MZT1: variants seen among roughly 807,000 people sequenced by gnomAD.
MZT1 encodes mitotic-spindle organizing protein 1.
Under a neutral mutation model 8.5 loss-of-function variants are expected in MZT1, and 8 were observed. The observed-to-expected ratio is 0.94, with a 90% CI of 0.55 to 1.70. MZT1 has a LOEUF of 1.70. Ranked by LOEUF, MZT1 falls within the 40% of genes most tolerant of loss-of-function variation. The pLI is 0.00. For synonymous variants in MZT1, 38 were observed against 42.0 expected (o/e 0.90, Z 0.37); for missense variants, 93 against 108.6 (o/e 0.86, Z 0.64).
intron 2 of MZT1, among the ~76,000 whole-genome samples, chr13:72,718,171 C>T (rs576909392): frequency 3.7e-4 from 56 of 152,298 alleles, no homozygotes; most frequent in Admixed American, 1.6e-3. Context: ...GAATATCCTT[C>T]CTTGCCTCTT....
In MZT1 at chr13:72,709,465, G is replaced by A. The variant is rs2032465487; in HGVS notation, c.*857C>T. On this transcript the variant is annotated 3_prime_UTR_variant, in exon 3 of 3. Transcript: ENST00000377818. Reference sequence around the variant, plus strand: ...AGGTAAGCACTAAAATTACTTTTATGTAATAAAAGTAAATAGGAATTTTGC... The same window carrying A: ...AGGTAAGCACTAAAATTACTTTTATATAATAAAAGTAAATAGGAATTTTGC... 1 of 151,908 alleles carries A rather than the reference G, an allele frequency of 6.6e-6. No homozygotes were observed. Among genetic ancestry groups the A allele is most frequent in the Non-Finnish European group, 1.5e-5 (1 of 67,902 alleles). 9.4% of individuals were successfully genotyped at this position (151,908 alleles called of 1,614,324 possible).
intron 1 of MZT1, among the ~76,000 whole-genome samples, chr13:72,720,582 C>T (rs1359183053): frequency 1.3e-5 from 2 of 152,122 alleles, no homozygotes; most frequent in South Asian, 2.1e-4. Flanking sequence ...CAGATATTCA[C>T]TTTCATCCCT....
intron 1 of MZT1, among the ~76,000 whole-genome samples, chr13:72,722,647 G>T (rs1178606119): frequency 6.6e-6 from 1 of 152,136 alleles, no homozygotes; most frequent in Non-Finnish European, 1.5e-5. Flanking sequence ...CATGGATGGT[G>T]CTTCTCAATC....
At chr13:72,717,717 C>A (rs144570583) in intron 2 of MZT1, among the ~76,000 whole-genome samples, 1 of 152,272 alleles carries the variant, frequency 6.6e-6, no homozygotes, top group Non-Finnish European at 1.5e-5. Flanking sequence ...TGGGTCTTCA[C>A]TAAAAGTGCT....
Position 72,719,038 on chromosome 13 carries a change from A to T in MZT1, c.139T>A (p.Cys47Ser). ...ATTCCTTGTTCACAAAGCCGTACACAAATAGACAGAGTTTCCATATCTAAG... is the reference window on the plus strand; with the variant it reads ...ATTCCTTGTTCACAAAGCCGTACACTAATAGACAGAGTTTCCATATCTAAG... Reference protein sequence around the residue: ...TGLDMETLSICVRLCEQGINP... With the variant: ...TGLDMETLSISVRLCEQGINP... The change falls in exon 2 of 3, where the codon TGT (cysteine) becomes AGT (serine). Residue 47 changes from cysteine (C) to serine (S), a missense_variant. Cys to Ser is a moderately radical substitution (Grantham distance 112). Transcript: ENST00000377818. The T allele has an allele frequency of 6.3e-7, 1 of 1,590,966 alleles. No homozygotes were observed. Among genetic ancestry groups the T allele is most frequent in the Non-Finnish European group, 8.5e-7 (1 of 1,171,900 alleles).
At chr13:72,720,930 G>C (rs573898001) in intron 1 of MZT1, among the ~76,000 whole-genome samples, 1 of 31,456 alleles carries the variant, frequency 3.2e-5, no homozygotes, top group East Asian at 2.5e-3. Context: ...TTCAATTTGA[G>C]TCTTAAAAAA....
Position 72,710,116 on chromosome 13 carries a change from T to A in MZT1, c.*206A>T. 1 of 551,976 alleles carries A rather than the reference T, an allele frequency of 1.8e-6. No individual in the cohort carries two copies. Among genetic ancestry groups the A allele is most frequent in the Non-Finnish European group, 3.2e-6 (1 of 309,132 alleles). The allele number at this position is 551,976 out of a possible 1,614,324, so 34.2% of individuals were successfully genotyped here. On this transcript the variant is annotated 3_prime_UTR_variant, in exon 3 of 3. Coordinates refer to ENST00000377818, the MANE Select transcript of MZT1 (RefSeq NM_001071775.3). ...CATTAGAGCTGTTAAAAAAAGTGAA[T>A]AAGATGTGATGTAAACACATCTGAT...
intron 1 of MZT1, among the ~76,000 whole-genome samples, chr13:72,720,850 T>G (rs1052862434): frequency 2.0e-4 from 31 of 152,160 alleles, no homozygotes; most frequent in African/African-American, 7.5e-4. Flanking sequence ...ATTGCGCCAT[T>G]GCACTCCAGC....
At chr13:72,722,524 G>C (rs1371555837) in intron 1 of MZT1, among the ~76,000 whole-genome samples, 1 of 152,108 alleles carries the variant, frequency 6.6e-6, no homozygotes, top group African/African-American at 2.4e-5. Flanking sequence ...ATCTTCCATA[G>C]ATTTATTTTA....
At chr13:72,727,456 T>G in intron 1 of MZT1, 68 bp downstream of exon 1, 2 of 1,490,978 alleles carry the variant, frequency 1.3e-6, no homozygotes, top group Non-Finnish European at 1.9e-6. Context: ...CTCCCCAGGC[T>G]CATTCCCGCC....
chr13:72,718,095 A>G (rs1162413943), intron 2 of MZT1, among the ~76,000 whole-genome samples: 1 of 152,204 alleles, frequency 6.6e-6, no homozygotes, highest in African/African-American at 2.4e-5. Context: ...AAGGCCAGAA[A>G]TCCATACCTA....
chr13:72,713,922 T>A (rs2032511036), intron 2 of MZT1, among the ~76,000 whole-genome samples: 1 of 152,238 alleles, frequency 6.6e-6, no homozygotes, highest in Non-Finnish European at 1.5e-5. Flanking sequence ...GAGAAAAGTA[T>A]TCATATAAAT....
At chr13:72,723,300 A>G (rs2032607756) in intron 1 of MZT1, among the ~76,000 whole-genome samples, 1 of 151,976 alleles carries the variant, frequency 6.6e-6, no homozygotes, top group African/African-American at 2.4e-5. Context: ...TTTACTTCCT[A>G]TTTTCACAAA....
Position 72,727,539 on chromosome 13 carries a change from G to T in MZT1, c.64C>A (p.Arg22=), listed in dbSNP as rs1300584030. The T allele has an allele frequency of 4.3e-6, 7 of 1,613,272 alleles. No homozygotes were observed. Among genetic ancestry groups the T allele is most frequent in the Admixed American group, 1.7e-5 (1 of 59,976 alleles). The stretch of plus-strand genomic sequence containing the variant: ...GGAAACTCACCGTCCATGGTCTCCC[G>T]CACCGCATTCAGATTCGCCGCCGCG... ...AAAAANLNAV[R]ETMDVLLEIS... Residue 22 remains arginine, a synonymous_variant, in exon 1 of 3, where the codon CGG becomes AGG. Transcript: ENST00000377818.
At chr13:72,716,176 A>C (rs2032533248) in intron 2 of MZT1, among the ~76,000 whole-genome samples, 1 of 152,174 alleles carries the variant, frequency 6.6e-6, no homozygotes, top group Admixed American at 6.5e-5. Flanking sequence ...TCAGCCTCCC[A>C]AAGTACTGGG....
chr13:72,727,561 C>G lies in MZT1; in HGVS notation c.42G>C (p.Ala14=). 1 of 1,603,784 alleles carries G rather than the reference C, an allele frequency of 6.2e-7. No homozygotes were observed. Among genetic ancestry groups the G allele is most frequent in the Non-Finnish European group, 8.5e-7 (1 of 1,174,028 alleles). The part of the protein sequence containing the change: ...SSGAGAAAAA[A]AANLNAVRET... The stretch of plus-strand genomic sequence containing the variant: ...CCCGCACCGCATTCAGATTCGCCGC[C>G]GCGGCCGCCGCCGCCGCCCCAGCAC... The change falls in exon 1 of 3, where the codon GCG becomes GCC. Residue 14 remains alanine (A), a synonymous_variant. Coordinates refer to ENST00000377818, the MANE Select transcript of MZT1 (RefSeq NM_001071775.3).
At chr13:72,719,214 C>T in intron 1 of MZT1, 117 bp from the exon 2 acceptor site, 2 of 809,676 alleles carry the variant, frequency 2.5e-6, no homozygotes, top group Non-Finnish European at 3.4e-6. Context: ...AGCATAGCAT[C>T]CCAGGTTTTG....
chr13:72,725,051 CAAA>C (rs767509747), intron 1 of MZT1, among the ~76,000 whole-genome samples: 3 of 93,880 alleles, frequency 3.2e-5, no homozygotes, highest in Admixed American at 1.2e-4. Flanking sequence ...GACTCGGTCT[CAAA>C]AAAAAAAAAA....
At chr13:72,711,588 A>C (rs959364931) in intron 2 of MZT1, among the ~76,000 whole-genome samples, 1 of 152,168 alleles carries the variant, frequency 6.6e-6, no homozygotes, top group Non-Finnish European at 1.5e-5. Flanking sequence ...TATTCCAAAA[A>C]AAGAGACAAT....
Sources: gnomAD v4.1 joint callset for allele counts (sites outside exome capture counted in the v4.1 genomes callset) on GRCh38, gnomAD v4.1.1 for gene constraint, MANE v1.5 for transcripts, NCBI Gene and HGNC (gene_info 2026-07-23, HGNC 2026-07-21) for gene names.